Variants in UNC13C observed in about 807,000 individuals in gnomAD.
UNC13C encodes the protein unc-13 homolog C, also known as protein unc-13 homolog C.
In UNC13C, 174 loss-of-function variants were observed where a neutral mutation model predicts 245.4. That is an observed-to-expected ratio of 0.71 (90% confidence interval 0.63 to 0.80). UNC13C has a LOEUF of 0.80. UNC13C is among the 30% of genes least tolerant of loss of function. The probability of loss-of-function intolerance (pLI) is 0.00; values close to 1 mark genes in which losing one functional copy is unlikely to be tolerated. For synonymous variants in UNC13C, 992 were observed against 895.1 expected (o/e 1.11, Z -1.93); for missense variants, 2,829 against 2,602.9 (o/e 1.09, Z -1.89).
At chr15:54,319,930 G>T (rs17237466) in intron 13 of UNC13C, among the ~76,000 whole-genome samples, 14,711 of 151,948 alleles carry the variant, frequency 0.097, 831 homozygotes, top group Middle Eastern at 0.16. Context: ...CTTCTGATGG[G>T]TATAAATGAT....
At chr15:54,016,525 C>T (rs1420121209) in intron 2 of UNC13C, among the ~76,000 whole-genome samples, 1 of 152,116 alleles carries the variant, frequency 6.6e-6, no homozygotes, top group Non-Finnish European at 1.5e-5. Context: ...GAGAAGAGAT[C>T]AGTAAGGGGA....
chr15:54,497,067 A>G (rs1021371440), intron 20 of UNC13C, among the ~76,000 whole-genome samples: 1 of 152,118 alleles, frequency 6.6e-6, no homozygotes, highest in Non-Finnish European at 1.5e-5. Context: ...TTGATCAGGA[A>G]TAGAGAAGTA....
At chr15:54,269,562 C>T (rs2036632381) in intron 10 of UNC13C, among the ~76,000 whole-genome samples, 1 of 152,056 alleles carries the variant, frequency 6.6e-6, no homozygotes, top group South Asian at 2.1e-4. Flanking sequence ...ATGATAAGTG[C>T]AGCCAAATAA....
the UNC13C span, among the ~76,000 whole-genome samples, chr15:53,945,868 C>T: frequency 2.6e-5 from 4 of 152,122 alleles, no homozygotes; most frequent in Non-Finnish European, 4.4e-5. Flanking sequence ...AATGATTCTT[C>T]CTATCCATGA....
chr15:54,296,263 C>G (rs1025833115), intron 11 of UNC13C, among the ~76,000 whole-genome samples: 12 of 152,048 alleles, frequency 7.9e-5, no homozygotes, highest in African/African-American at 2.7e-4. Context: ...GGCAGTGTCG[C>G]GATCTTGGCT....
intron 4 of UNC13C, among the ~76,000 whole-genome samples, chr15:54,204,226 A>C (rs1429810793): frequency 6.6e-6 from 1 of 151,290 alleles, no homozygotes; most frequent in Non-Finnish European, 1.5e-5. Flanking sequence ...CCAAAATCTC[A>C]GAAATCACGA....
At chr15:53,919,352 A>G in the UNC13C span, among the ~76,000 whole-genome samples, 1 of 152,212 alleles carries the variant, frequency 6.6e-6, no homozygotes, top group South Asian at 2.1e-4. Flanking sequence ...GGCATGAATA[A>G]CAGAAGAACT....
chr15:53,844,117 T>C, the UNC13C span, among the ~76,000 whole-genome samples: 1 of 152,160 alleles, frequency 6.6e-6, no homozygotes, highest in Non-Finnish European at 1.5e-5. Flanking sequence ...CGTAAATGTG[T>C]TTCCTGGAGC....
chr15:54,061,557 A>C (rs928339219), intron 2 of UNC13C, among the ~76,000 whole-genome samples: 1 of 152,138 alleles, frequency 6.6e-6, no homozygotes. Flanking sequence ...TCCAAATCCA[A>C]ACCTTGGAAT....
rs183651077 is a variant in UNC13C at position 54,212,069 on chromosome 15, C to T, written c.3072-22961C>T. Among the ~76,000 whole-genome samples, 3 of 152,208 alleles carry T rather than the reference C, an allele frequency of 2.0e-5. No individual in the cohort carries two copies. The East Asian group carries it at 5.8e-4, about 29-fold the overall frequency. On this transcript the variant is annotated intron_variant, in intron 4 of 32. Transcript: ENST00000260323. ...TAAGTGACCAAGTTATGAACACTAA[C>T]ATATTTTGGGACCAGCACTTGCTGA...
intron 10 of UNC13C, among the ~76,000 whole-genome samples, chr15:54,289,865 A>C (rs2037251709): frequency 6.6e-6 from 1 of 152,040 alleles, no homozygotes; most frequent in South Asian, 2.1e-4. Flanking sequence ...TTGAGTTTAC[A>C]CCTTGCTTGA....
intron 11 of UNC13C, among the ~76,000 whole-genome samples, chr15:54,295,159 G>A (rs62011998): frequency 0.25 from 38,350 of 151,988 alleles, 5,074 homozygotes; most frequent in South Asian, 0.38. Context: ...AAATGACTTC[G>A]TATATGAAAA....
At chr15:53,938,137 C>A in the UNC13C span, among the ~76,000 whole-genome samples, 1 of 151,956 alleles carries the variant, frequency 6.6e-6, no homozygotes, top group African/African-American at 2.4e-5. Flanking sequence ...TTCAAGAGAC[C>A]CATCTCATGT....
the UNC13C span, among the ~76,000 whole-genome samples, chr15:53,890,287 A>T: frequency 6.6e-6 from 1 of 151,836 alleles, no homozygotes; most frequent in Non-Finnish European, 1.5e-5. Flanking sequence ...GACTACATGC[A>T]CCTGCCATCA....
chr15:54,124,151 A>G (rs370006787), intron 2 of UNC13C, among the ~76,000 whole-genome samples: 8 of 152,220 alleles, frequency 5.3e-5, no homozygotes, highest in Non-Finnish European at 1.2e-4. Flanking sequence ...TAAAGCTGCT[A>G]TGATTAATCA....
At chr15:53,968,552 G>A in the UNC13C span, among the ~76,000 whole-genome samples, 2 of 152,102 alleles carry the variant, frequency 1.3e-5, no homozygotes, top group Non-Finnish European at 2.9e-5. Flanking sequence ...AAGGAGCTTA[G>A]AAAGAGAAGC....
intron 1 of UNC13C, among the ~76,000 whole-genome samples, chr15:53,990,134 G>T (rs1413042889): frequency 6.6e-6 from 1 of 151,976 alleles, no homozygotes; most frequent in Non-Finnish European, 1.5e-5. Flanking sequence ...CTCACTGAAA[G>T]AGAGATAGAT....
intron 20 of UNC13C, among the ~76,000 whole-genome samples, chr15:54,495,816 G>A (rs1893923477): frequency 6.6e-6 from 1 of 151,908 alleles, no homozygotes; most frequent in Non-Finnish European, 1.5e-5. Flanking sequence ...AAGGTAATGA[G>A]TGATTTAGAG....
chr15:54,409,503 G>A (rs1448362596), intron 18 of UNC13C, among the ~76,000 whole-genome samples: 1 of 151,984 alleles, frequency 6.6e-6, no homozygotes, highest in East Asian at 1.9e-4. Flanking sequence ...TAGCCAATAG[G>A]TAGTTTTTAG....
Sources: allele counts gnomAD v4.1 joint callset (sites outside exome capture counted in the v4.1 genomes callset), GRCh38; gene constraint gnomAD v4.1.1; transcripts MANE v1.5; gene names NCBI Gene and HGNC (gene_info 2026-07-23, HGNC 2026-07-21).